SP2: variants seen among roughly 807,000 people sequenced by gnomAD.
SP2 encodes transcription factor Sp2.
Under a neutral mutation model 50.1 loss-of-function variants are expected in SP2, and 9 were observed. The ratio of observed to expected loss-of-function variants is 0.18; its 90% CI spans 0.11 to 0.31. The LOEUF is 0.31. Among genes scored for constraint, SP2 ranks in the 10% least tolerant of loss-of-function variants. The pLI is 1.00. For missense variants in SP2, 581 were observed against 806.5 expected (o/e 0.72, Z 3.39); for synonymous variants, 313 against 326.6 (o/e 0.96, Z 0.45).
rs2035748725 is a variant in SP2, at chr17:47,928,651, A to G, written c.*827A>G. The G allele has an allele frequency of 1.3e-5, 2 of 152,550 alleles. No individual in the cohort carries two copies. The highest frequency in any genetic ancestry group is 1.3e-4 in the Admixed American group (2 of 15,260). The allele number at this position is 152,550 out of a possible 1,614,324, so 9.4% of individuals were successfully genotyped here. A position where few individuals can be genotyped will look rare whatever the true frequency, so the allele number is the denominator to read the frequency against. On this transcript the variant is annotated 3_prime_UTR_variant, in exon 7 of 7. Coordinates refer to ENST00000376741, the MANE Select transcript of SP2 (RefSeq NM_003110.6). ...TGGATTCAGATAACAGCACCTGCACATCCTGCACCTCCTCCCTCTCCCTTC... is the reference window on the plus strand; with the variant it reads ...TGGATTCAGATAACAGCACCTGCACGTCCTGCACCTCCTCCCTCTCCCTTC...
chr17:47,905,534 TGTG>T (rs2143821864), intron 1 of SP2, among the ~76,000 whole-genome samples: 1 of 152,312 alleles, frequency 6.6e-6, no homozygotes, highest in East Asian at 1.9e-4. Context: ...AGCCTACTGT[TGTG>T]GTATTTCTGT....
chr17:47,929,132 C>A (rs981249036), downstream of SP2, among the ~76,000 whole-genome samples: 6 of 152,244 alleles, frequency 3.9e-5, no homozygotes, highest in Admixed American at 3.9e-4. Flanking sequence ...CCACATATAC[C>A]TCATGACACT....
At chr17:47,927,638 G>A in intron 6 of SP2, 86 bp from the exon 7 acceptor site, 1 of 807,712 alleles carries the variant, frequency 1.2e-6, no homozygotes, top group South Asian at 1.6e-5. Context: ...GCTTGATTGG[G>A]TGCACCTCAC....
chr17:47,916,601 T>TCCCCATCAAGCCAGC lies in SP2; in HGVS notation c.538_552dup (p.Lys180_Ile184dup), dbSNP rs769804131. 2 of 1,614,058 alleles carry TCCCCATCAAGCCAGC rather than the reference T, an allele frequency of 1.2e-6. No homozygotes were observed. Among genetic ancestry groups the TCCCCATCAAGCCAGC allele is most frequent in the Non-Finnish European group, 1.7e-6 (2 of 1,180,006 alleles). On this transcript the variant is annotated inframe_insertion, in exon 3 of 7. Transcript: ENST00000376741. The surrounding 1 kb of genome is among the most constrained non-coding windows in gnomAD (Gnocchi z 4.7). Reference sequence around the variant, plus strand: ...CCCTCACCGTCCAGTCACAAGCCTGTCCCCATCAAGCCAGCCCCCATCCAG... The same window carrying TCCCCATCAAGCCAGC: ...CCCTCACCGTCCAGTCACAAGCCTGTCCCCATCAAGCCAGCCCCCATCAAGCCAGCCCCCATCCAG...
Position 47,924,958 on chromosome 17 carries a change from A to G in SP2, c.1412A>G (p.Asn471Ser). 6.2e-7 allele frequency: 1 copy of G among 1,612,678 alleles called. No individual in the cohort carries two copies. Among genetic ancestry groups the G allele is most frequent in the Non-Finnish European group, 8.5e-7 (1 of 1,178,954 alleles). The change falls in exon 5 of 7, where the codon AAC (asparagine) becomes AGC (serine). Residue 471 changes from asparagine to serine, a missense_variant. Around this residue, in one of 2 missense-constraint regions of SP2, gnomAD observed 184 missense variants for 315.5 expected, o/e 0.58. Transcript: ENST00000376741. ...ACAGTGCAGAATGTTTCTGGGAACA[A>G]CCTGACCATCAGTGGGCTGAGCCCC... is the stretch of plus-strand genomic sequence containing the variant. Reference protein sequence around the residue: ...QLTVQNVSGNNLTISGLSPTQ... With the variant: ...QLTVQNVSGNSLTISGLSPTQ...
At chr17:47,922,266 C>G (rs989763940) in intron 3 of SP2, among the ~76,000 whole-genome samples, 1 of 152,138 alleles carries the variant, frequency 6.6e-6, no homozygotes, top group Admixed American at 6.5e-5. Context: ...CCCTCCTCCC[C>G]GCTACAAATG....
In SP2 at chr17:47,916,724, A is replaced by C. The variant is rs1302523902; in HGVS notation, c.653A>C (p.Asn218Thr). The change falls in exon 3 of 7, where the codon AAC becomes ACC. Residue 218 changes from asparagine to threonine, a missense_variant. Around this residue, in one of 2 missense-constraint regions of SP2, gnomAD observed 397 missense variants for 491.0 expected, o/e 0.81. Transcript: ENST00000376741. The surrounding 1 kb of genome is among the most constrained non-coding windows in gnomAD (Gnocchi z 4.7). ...GNVTLTLPVN[N>T]LVNASDTGAP... The stretch of plus-strand genomic sequence containing the variant: ...GTGACGCTCACTCTGCCCGTCAACA[A>C]CCTTGTGAACGCCAGTGACACCGGG... The C allele has an allele frequency of 3.7e-6, 6 of 1,613,136 alleles. No homozygotes were observed. The highest frequency in any genetic ancestry group is 5.1e-6 in the Non-Finnish European group (6 of 1,179,398).
At chr17:47,905,948 T>C (rs1043894984) in intron 1 of SP2, among the ~76,000 whole-genome samples, 2 of 151,978 alleles carry the variant, frequency 1.3e-5, no homozygotes, top group African/African-American at 4.8e-5. Flanking sequence ...GAAGTGTGTG[T>C]TGGGAGAGTT....
chr17:47,925,634 A>C, intron 6 of SP2, 93 bp downstream of exon 6: 3 of 961,870 alleles, frequency 3.1e-6, no homozygotes, highest in Non-Finnish European at 4.8e-6. Flanking sequence ...CAACATTGAC[A>C]CTCCTGGAAC....
rs748578130 is a variant in SP2, at chr17:47,925,357, G to A, written c.1557G>A (p.Glu519=). 1 of 1,613,180 alleles carries A rather than the reference G, an allele frequency of 6.2e-7. No homozygotes were observed. The highest frequency in any genetic ancestry group is 8.5e-7 in the Non-Finnish European group (1 of 1,179,478). ...NCKDGEKRSG[E]QGKKKHVCHI... ...TCACCCCAATTCTCAGGTCTGGAGA[G>A]CAGGGCAAGAAGAAGCACGTGTGCC... is the stretch of plus-strand genomic sequence containing the variant. Residue 519 remains glutamate, a synonymous_variant, in exon 6 of 7, where the codon GAG becomes GAA. Coordinates refer to ENST00000376741, the MANE Select transcript of SP2 (RefSeq NM_003110.6).
chr17:47,899,889 G>T (rs1366410711), intron 1 of SP2: 1 of 152,294 alleles, frequency 6.6e-6, no homozygotes, highest in Non-Finnish European at 1.5e-5. Flanking sequence ...GCTCCAAGCA[G>T]TGCTGAGATG....
intron 2 of SP2, 48 bp downstream of exon 2, chr17:47,915,436 C>T: frequency 1.6e-6 from 2 of 1,255,738 alleles, no homozygotes; most frequent in Non-Finnish European, 2.3e-6. Flanking sequence ...GCATCCTGGA[C>T]AGACTCACCG....
chr17:47,923,611 T>A (rs1407319943), intron 4 of SP2, among the ~76,000 whole-genome samples: 1 of 152,254 alleles, frequency 6.6e-6, no homozygotes, highest in Non-Finnish European at 1.5e-5. Context: ...CAGAATAGTT[T>A]GTGCTGCACT....
intron 1 of SP2, among the ~76,000 whole-genome samples, chr17:47,910,637 T>C (rs1567693107): frequency 6.6e-6 from 1 of 152,242 alleles, no homozygotes; most frequent in East Asian, 1.9e-4. Flanking sequence ...GATGTTTGAC[T>C]GAACCCAAAT....
chr17:47,897,726 C>T, intron 1 of SP2: 1 of 328,040 alleles, frequency 3.0e-6, no homozygotes, highest in Non-Finnish European at 4.4e-6. Flanking sequence ...GCAGTAATTT[C>T]AATTACTAAC....
chr17:47,902,562 A>C (rs1028331716), intron 1 of SP2, among the ~76,000 whole-genome samples: 13 of 152,126 alleles, frequency 8.5e-5, no homozygotes, highest in Non-Finnish European at 1.5e-4. Flanking sequence ...GATTGGGCAT[A>C]TATTTTGAAG....
In SP2 at chr17:47,916,053, GA is replaced by G. The variant is rs998776861; in HGVS notation, c.85-101del. On this transcript the variant is annotated intron_variant, in intron 2 of 6. Coordinates refer to ENST00000376741, the MANE Select transcript of SP2 (RefSeq NM_003110.6). This position sits in a 1 kb window ranked among gnomAD's most constrained non-coding sequence, Gnocchi z 4.7. Reference sequence around the variant, plus strand: ...GCAACATGCCTGCCCCGGAGGTGGGGAAGACTGGCGTGGAATGCCGCCAGGA... The same window carrying G: ...GCAACATGCCTGCCCCGGAGGTGGGGAGACTGGCGTGGAATGCCGCCAGGA... 14 of 1,392,922 alleles carry G rather than the reference GA, an allele frequency of 1.0e-5. No homozygotes were observed. In the African/African-American group the frequency reaches 2.0e-4, roughly 20 times the overall value. The allele number at this position is 1,392,922 out of a possible 1,614,324, so 86.3% of individuals were successfully genotyped here.
chr17:47,919,504 C>T (rs979153780), intron 3 of SP2, among the ~76,000 whole-genome samples: 1 of 152,080 alleles, frequency 6.6e-6, no homozygotes, highest in Non-Finnish European at 1.5e-5. Flanking sequence ...TTAAAAATTA[C>T]CCAAATCAAA....
chr17:47,902,781 G>T (rs2034592942), intron 1 of SP2, among the ~76,000 whole-genome samples: 1 of 152,110 alleles, frequency 6.6e-6, no homozygotes, highest in Non-Finnish European at 1.5e-5. Flanking sequence ...TTGAGATGTT[G>T]TTTTGCTCCT....
Sources: allele counts gnomAD v4.1 joint callset (sites outside exome capture counted in the v4.1 genomes callset), GRCh38; gene constraint gnomAD v4.1.1; regional missense constraint gnomAD v4.1.1; non-coding constraint Gnocchi (gnomAD v3.1); transcripts MANE v1.5; gene names NCBI Gene and HGNC (gene_info 2026-07-23, HGNC 2026-07-21).